Variants in SEM1 observed in about 807,000 individuals in gnomAD.
SEM1 encodes the protein 26S proteasome complex subunit SEM1.
Under a neutral mutation model 12.7 loss-of-function variants are expected in SEM1, and 3 were observed. That is an observed-to-expected ratio of 0.24 (90% CI 0.11 to 0.61). The LOEUF is 0.61. SEM1 is among the 20% of genes least tolerant of loss of function. SEM1 has a pLI of 0.88. For synonymous variants in SEM1, 30 were observed against 27.8 expected (o/e 1.08, Z -0.25); for missense variants, 59 against 81.3 (o/e 0.73, Z 1.06).
chr7:96,626,121 C>G (rs1808055089), intron 2 of SEM1, among the ~76,000 whole-genome samples: 1 of 152,018 alleles, frequency 6.6e-6, no homozygotes, highest in Non-Finnish European at 1.5e-5. Flanking sequence ...TTCATTCTTT[C>G]TTTTTGTTGT....
At chr7:96,515,559 A>T (rs767271926) in intron 2 of SEM1, among the ~76,000 whole-genome samples, 1 of 152,194 alleles carries the variant, frequency 6.6e-6, no homozygotes, top group Non-Finnish European at 1.5e-5. Flanking sequence ...TCATGCTACT[A>T]TAAAGGCACA....
At chr7:96,486,553 C>T in intron 1 of SEM1, 1 of 684,206 alleles carries the variant, frequency 1.5e-6, no homozygotes, top group Non-Finnish European at 2.5e-6. Context: ...GGTGGGGAAA[C>T]CAAAAGCAGT....
downstream of SEM1, among the ~76,000 whole-genome samples, chr7:96,668,857 C>T (rs545334262): frequency 1.6e-4 from 25 of 152,244 alleles, no homozygotes; most frequent in African/African-American, 5.8e-4. Flanking sequence ...CTGGAGTAGA[C>T]GGGTCCATCA....
intron 2 of SEM1, among the ~76,000 whole-genome samples, chr7:96,507,455 A>T (rs949880377): frequency 1.3e-5 from 2 of 152,156 alleles, no homozygotes; most frequent in African/African-American, 4.8e-5. Flanking sequence ...TCTGGCCAAC[A>T]TAACCAGTCT....
At chr7:96,533,011 T>C (rs1563049670) in intron 2 of SEM1, among the ~76,000 whole-genome samples, 1 of 152,068 alleles carries the variant, frequency 6.6e-6, no homozygotes, top group African/African-American at 2.4e-5. Context: ...TCCTTAAACA[T>C]CCAGAAATGC....
At chr7:96,508,033 G>A (rs1267067492) in intron 2 of SEM1, among the ~76,000 whole-genome samples, 1 of 151,970 alleles carries the variant, frequency 6.6e-6, no homozygotes, top group Non-Finnish European at 1.5e-5. Flanking sequence ...GTGTATTTTA[G>A]AGGAATATAT....
intron 2 of SEM1, among the ~76,000 whole-genome samples, chr7:96,674,406 T>C (rs1378397658): frequency 6.6e-6 from 1 of 151,930 alleles, no homozygotes; most frequent in Non-Finnish European, 1.5e-5. Context: ...GTAATCCCAG[T>C]GCTTTAAGAG....
exon 2 of SEM1, chr7:96,486,244 C>A: frequency 1.3e-6 from 2 of 1,536,736 alleles, no homozygotes; most frequent in Non-Finnish European, 1.7e-6. Flanking sequence ...TGGAGTTGGG[C>A]ATCTCCAAGT....
intron 2 of SEM1, among the ~76,000 whole-genome samples, chr7:96,544,806 ATATATT>A (rs1334576095): frequency 2.0e-5 from 3 of 152,022 alleles, no homozygotes; most frequent in Non-Finnish European, 1.5e-5. Flanking sequence ...AGACGAGAAA[ATATATT>A]TACTATTTAT....
intron 2 of SEM1, among the ~76,000 whole-genome samples, chr7:96,654,559 G>A (rs10242346): frequency 0.014 from 2,064 of 152,262 alleles, 47 homozygotes; most frequent in African/African-American, 0.048. Context: ...CATCAGCCAT[G>A]CCATCAGGAG....
chr7:96,661,457 A>G (rs942803191), intron 2 of SEM1, among the ~76,000 whole-genome samples: 2 of 152,226 alleles, frequency 1.3e-5, no homozygotes, highest in Non-Finnish European at 2.9e-5. Flanking sequence ...GACAACAAAT[A>G]TTCAATAAAA....
chr7:96,701,558 T>C (rs1790275907), intron 1 of SEM1, among the ~76,000 whole-genome samples: 1 of 152,206 alleles, frequency 6.6e-6, no homozygotes, highest in African/African-American at 2.4e-5. Flanking sequence ...TATGCTATTT[T>C]GTTATGGTAG....
chr7:96,500,940 A>G, upstream of SEM1, among the ~76,000 whole-genome samples: 1 of 152,088 alleles, frequency 6.6e-6, no homozygotes, highest in East Asian at 1.9e-4. Flanking sequence ...TCCTTTTGCC[A>G]CAGATTTATA....
intron 2 of SEM1, among the ~76,000 whole-genome samples, chr7:96,643,977 A>AT (rs1808705654): frequency 2.6e-5 from 4 of 152,032 alleles, no homozygotes; most frequent in African/African-American, 4.8e-5. Context: ...AGCCTGCCCC[A>AT]AGCCCATTCC....
chr7:96,565,189 T>G (rs150832213), intron 2 of SEM1, among the ~76,000 whole-genome samples: 134 of 152,078 alleles, frequency 8.8e-4, no homozygotes, highest in African/African-American at 3.1e-3. Flanking sequence ...TAAAATCCCC[T>G]TTTCTACTCA....
intron 2 of SEM1, among the ~76,000 whole-genome samples, chr7:96,616,462 CAT>C (rs1227389969): frequency 3.9e-5 from 6 of 151,956 alleles, no homozygotes; most frequent in African/African-American, 1.4e-4. Flanking sequence ...TTGTTAGATT[CAT>C]AGTTTGCAAA....
At chr7:96,533,462 C>T (rs899540945) in intron 2 of SEM1, among the ~76,000 whole-genome samples, 3 of 152,168 alleles carry the variant, frequency 2.0e-5, no homozygotes, top group South Asian at 2.1e-4. Context: ...ATTTATTTCA[C>T]TTCTTTATAA....
chr7:96,647,083 C>T (rs981277964), intron 2 of SEM1, among the ~76,000 whole-genome samples: 2 of 152,094 alleles, frequency 1.3e-5, no homozygotes, highest in Non-Finnish European at 2.9e-5. Context: ...TAATATGTTT[C>T]GGTCTCTGGT....
intron 1 of SEM1, among the ~76,000 whole-genome samples, chr7:96,488,578 G>T (rs1802863643): frequency 6.6e-6 from 1 of 151,998 alleles, no homozygotes; most frequent in African/African-American, 2.4e-5. Flanking sequence ...AAGCCTTTCT[G>T]CTTGAGGTCA....
Sources: allele counts gnomAD v4.1 joint callset (sites outside exome capture counted in the v4.1 genomes callset), GRCh38; gene constraint gnomAD v4.1.1; transcripts MANE v1.5; gene names NCBI Gene and HGNC (gene_info 2026-07-23, HGNC 2026-07-21).